TSGA10: variants seen among roughly 807,000 people sequenced by gnomAD.
The protein encoded by TSGA10 is testis-specific gene 10 protein.
In TSGA10, 43 loss-of-function variants were observed where a neutral mutation model predicts 96.6. The observed-to-expected ratio is 0.44, with a 90% CI of 0.35 to 0.57. The LOEUF is 0.57. Ranked by LOEUF, TSGA10 falls within the 20% of genes least tolerant of loss-of-function variation. TSGA10 has a pLI of 0.01. For synonymous variants in TSGA10, 229 were observed against 269.9 expected, an observed-to-expected ratio of 0.85 and a Z score of 1.48; for missense variants, 703 against 834.4, an observed-to-expected ratio of 0.84 and a Z score of 1.94.
rs541050947 is a variant in TSGA10, at chr2:99,055,893, T to C, written c.1404+9046A>G. Among the ~76,000 whole-genome samples, 23 of 137,562 alleles carry C rather than the reference T, an allele frequency of 1.7e-4. No homozygotes were observed. The South Asian group carries it at 5.4e-3, about 32-fold the overall frequency. 90.2% of individuals were successfully genotyped at this position (137,562 alleles called of 152,430 possible). ...AAAAAAAAAAAAGGAAGAAAAGAAA[T>C]TACTGAAATAAAGAAAATAACAATA... is the stretch of plus-strand genomic sequence containing the variant. On this transcript the variant is annotated intron_variant, in intron 16 of 20. Transcript: ENST00000393483.
chr2:99,038,832 C>T (rs890861113), intron 16 of TSGA10, among the ~76,000 whole-genome samples: 5 of 152,100 alleles, frequency 3.3e-5, no homozygotes, highest in Non-Finnish European at 5.9e-5. Context: ...AATTGCAGGA[C>T]ATACATTCTA....
chr2:99,060,420 T>C (rs977267045), intron 16 of TSGA10, among the ~76,000 whole-genome samples: 9 of 152,074 alleles, frequency 5.9e-5, no homozygotes, highest in Non-Finnish European at 1.3e-4. Context: ...GTACAAAACA[T>C]TGTTGAGAGA....
intron 1 of TSGA10, chr2:99,147,444 C>T: frequency 6.2e-7 from 1 of 1,613,206 alleles, no homozygotes. Context: ...CCAAAGAGGC[C>T]CCCAATAGAC....
chr2:99,123,229 T>TACCCAAAGA (rs2092670634), intron 2 of TSGA10, among the ~76,000 whole-genome samples: 1 of 152,214 alleles, frequency 6.6e-6, no homozygotes. Context: ...TGACTCCTGT[T>TACCCAAAGA]AGGTATTCCA....
At chr2:99,104,248 T>C in intron 9 of TSGA10, 130 bp from the exon 10 acceptor site, 1 of 1,013,026 alleles carries the variant, frequency 9.9e-7, no homozygotes. Flanking sequence ...AGGTTAGACC[T>C]GACTGCTGTA....
At chr2:99,102,585 G>A in intron 10 of TSGA10, 1 of 1,614,090 alleles carries the variant, frequency 6.2e-7, no homozygotes, top group South Asian at 1.1e-5. Context: ...TATGATTATG[G>A]AACTTGCTGT....
At chr2:99,040,213 C>A (rs899287121) in intron 16 of TSGA10, among the ~76,000 whole-genome samples, 4 of 152,132 alleles carry the variant, frequency 2.6e-5, no homozygotes, top group Admixed American at 6.5e-5. Context: ...TAGAACAAGA[C>A]AAGAATGCCC....
At chr2:99,071,639 G>C in intron 14 of TSGA10, 67 bp downstream of exon 14, 1 of 1,480,700 alleles carries the variant, frequency 6.8e-7, no homozygotes, top group Non-Finnish European at 9.2e-7. Flanking sequence ...AATAAAATGA[G>C]GGCTGTTCCT....
chr2:99,049,129 G>T (rs1331077710), intron 16 of TSGA10, among the ~76,000 whole-genome samples: 1 of 152,190 alleles, frequency 6.6e-6, no homozygotes, highest in Non-Finnish European at 1.5e-5. Context: ...TACACTGTTG[G>T]TGGGAGTGTA....
intron 16 of TSGA10, among the ~76,000 whole-genome samples, chr2:99,039,601 A>G (rs1324704768): frequency 8.7e-6 from 1 of 115,368 alleles, no homozygotes; most frequent in Non-Finnish European, 1.6e-5. Context: ...TTCAAATGGT[A>G]AAAAACAAAA....
chr2:99,140,181 C>T (rs2105094723), intron 1 of TSGA10, among the ~76,000 whole-genome samples: 1 of 152,266 alleles, frequency 6.6e-6, no homozygotes, highest in Middle Eastern at 3.4e-3. Flanking sequence ...CTAGTTATTT[C>T]CCACTAATTA....
chr2:99,042,871 T>C (rs546941031), intron 16 of TSGA10, among the ~76,000 whole-genome samples: 16 of 151,752 alleles, frequency 1.1e-4, no homozygotes, highest in Non-Finnish European at 1.9e-4. Flanking sequence ...GCCCGGCTAA[T>C]TTTTTTTAGT....
intron 12 of TSGA10, among the ~76,000 whole-genome samples, chr2:99,073,401 A>G (rs1445448843): frequency 1.3e-5 from 2 of 152,194 alleles, no homozygotes; most frequent in Non-Finnish European, 2.9e-5. Context: ...AGGCAAACCA[A>G]TGGTTTGGCA....
At chr2:99,066,901 C>T (rs2085321892) in intron 15 of TSGA10, among the ~76,000 whole-genome samples, 1 of 152,268 alleles carries the variant, frequency 6.6e-6, no homozygotes, top group Admixed American at 6.5e-5. Context: ...CATTTCTTGC[C>T]TAAATTATGG....
intron 2 of TSGA10, among the ~76,000 whole-genome samples, chr2:99,123,979 T>C (rs1295149498): frequency 6.6e-6 from 1 of 152,260 alleles, no homozygotes; most frequent in African/African-American, 2.4e-5. Context: ...TTTTCAACTC[T>C]TTAGGATATA....
chr2:99,096,076 T>C (rs2090000291), intron 10 of TSGA10, among the ~76,000 whole-genome samples: 1 of 152,254 alleles, frequency 6.6e-6, no homozygotes, highest in Admixed American at 6.5e-5. Flanking sequence ...TTTTCCATAA[T>C]TTTTAAATTT....
At chr2:99,142,293 GACACTAGGTTTTT>G (rs2093575327) in intron 1 of TSGA10, 1 of 152,182 alleles carries the variant, frequency 6.6e-6, no homozygotes, top group African/African-American at 2.4e-5. Flanking sequence ...AGATGACATA[GACACTAGGTTTTT>G]ACAGCAATTC....
chr2:99,140,466 C>T (rs1191284261), intron 1 of TSGA10, among the ~76,000 whole-genome samples: 1 of 151,476 alleles, frequency 6.6e-6, no homozygotes, highest in African/African-American at 2.4e-5. Context: ...TCTATGCAAA[C>T]TTTCCCGAAG....
chr2:99,027,018 G>A (rs1375419616), intron 17 of TSGA10, among the ~76,000 whole-genome samples: 3 of 152,108 alleles, frequency 2.0e-5, no homozygotes, highest in Non-Finnish European at 2.9e-5. Flanking sequence ...CCTTGCATGC[G>A]CAGTTCACAA....
Sources: gnomAD v4.1 joint callset for allele counts (sites outside exome capture counted in the v4.1 genomes callset) on GRCh38, gnomAD v4.1.1 for gene constraint, MANE v1.5 for transcripts, NCBI Gene and HGNC (gene_info 2026-07-23, HGNC 2026-07-21) for gene names.